The following STYXL2 variants were observed in gnomAD, a reference collection of about 807,000 sequenced individuals.
STYXL2 encodes serine/threonine/tyrosine interacting like 2, also known as serine/threonine/tyrosine-interacting-like protein 2.
A neutral mutation model predicts 52.4 loss-of-function variants in STYXL2; 44 were observed. The ratio of observed to expected loss-of-function variants is 0.84; its 90% CI spans 0.66 to 1.08. The LOEUF is 1.08. Ranked by LOEUF, STYXL2 falls within the 50% of genes least tolerant of loss-of-function variation. The pLI is 0.00. For missense variants in STYXL2, 1,604 were observed against 1,471.7 expected (o/e 1.09, Z -1.47); for synonymous variants, 604 against 586.9 (o/e 1.03, Z -0.42).
intron 2 of STYXL2, among the ~76,000 whole-genome samples, chr1:167,097,690 T>TA (rs139851555): frequency 0.17 from 24,588 of 147,248 alleles, 2,228 homozygotes; most frequent in Middle Eastern, 0.23. Flanking sequence ...AACTATAGGT[T>TA]AAAAAAAAAA....
intron 5 of STYXL2, among the ~76,000 whole-genome samples, chr1:167,120,176 T>C (rs1387890610): frequency 6.6e-6 from 1 of 152,166 alleles, no homozygotes; most frequent in African/African-American, 2.4e-5. Flanking sequence ...TTGGGGTTGC[T>C]ATTGCTATAT....
In STYXL2 at chr1:167,117,344, G is replaced by T. The variant is rs748618592; in HGVS notation, c.222G>T (p.Gly74=). 1.9e-6 allele frequency: 3 copies of T among 1,609,434 alleles called. No individual in the cohort carries two copies. The highest frequency in any genetic ancestry group is 3.4e-5 in the Admixed American group (2 of 59,476). ...QIINEELKPP[G]VRADAECPGM... is the part of the protein sequence containing the mutation. ...CTCCTCTAGAACTCAAGCCACCGGG[G>T]GTCAGAGCAGACGCAGAGTGTCCAG... The change falls in exon 4 of 6, where the codon GGG becomes GGT. Residue 74 remains glycine (G), a synonymous_variant. Coordinates refer to ENST00000361200, the MANE Select transcript of STYXL2 (RefSeq NM_001080426.3).
At chr1:167,123,301 G>C (rs952140700) in intron 5 of STYXL2, among the ~76,000 whole-genome samples, 1 of 152,200 alleles carries the variant, frequency 6.6e-6, no homozygotes, top group Non-Finnish European at 1.5e-5. Flanking sequence ...AGGCTCCTCA[G>C]AGGAGTCCCA....
intron 3 of STYXL2, among the ~76,000 whole-genome samples, chr1:167,116,412 G>T (rs1352286442): frequency 1.3e-5 from 2 of 152,106 alleles, no homozygotes; most frequent in Non-Finnish European, 2.9e-5. Flanking sequence ...TCTGTGGGCT[G>T]GGAGGCTGAG....
chr1:167,126,766 A>T lies in STYXL2; in HGVS notation c.1635A>T (p.Glu545Asp). The T allele has an allele frequency of 1.2e-6, 2 of 1,614,200 alleles. No homozygotes were observed. The highest frequency in any genetic ancestry group is 1.7e-6 in the Non-Finnish European group (2 of 1,180,036). ...ACAAGGACAAGCTCACTGCCCTGGA[A>T]AGATGGAAGATCAAGAGAATCCAAT... ...SRNKDKLTAL[E>D]RWKIKRIQFG... is the part of the protein sequence containing the mutation. Residue 545 changes from glutamate to aspartate, a missense_variant, in exon 6 of 6, where the codon GAA becomes GAT. Transcript: ENST00000361200.
At chr1:167,109,288 G>A (rs1667568995) in intron 2 of STYXL2, among the ~76,000 whole-genome samples, 1 of 152,186 alleles carries the variant, frequency 6.6e-6, no homozygotes, top group Non-Finnish European at 1.5e-5. Context: ...TATAGCCTGG[G>A]GCAAGATCTC....
rs758560315 is a variant in STYXL2, at chr1:167,127,994, T to G, written c.2863T>G (p.Ser955Ala). ...EEKPPFQSDW[S>A]GSSRGKYTRS... ...AAAACCTCCTTTCCAAAGTGACTGG[T>G]CTGGAAGTTCCAGAGGGAAGTACAC... is the stretch of plus-strand genomic sequence containing the variant. Residue 955 changes from serine to alanine, a missense_variant, in exon 6 of 6, where the codon TCT (serine) becomes GCT (alanine). Ser to Ala is a moderately conservative substitution (Grantham distance 99). Transcript: ENST00000361200. 3.1e-6 allele frequency: 5 copies of G among 1,614,102 alleles called. No homozygotes were observed. Among genetic ancestry groups the G allele is most frequent in the Non-Finnish European group, 4.2e-6 (5 of 1,180,002 alleles).
At chr1:167,122,778 G>A (rs1049198216) in intron 5 of STYXL2, among the ~76,000 whole-genome samples, 7 of 152,030 alleles carry the variant, frequency 4.6e-5, no homozygotes, top group African/African-American at 9.7e-5. Flanking sequence ...CGATTCTCAG[G>A]CCTCAGCCTC....
Position 167,098,305 on chromosome 1 carries a change from G to A in STYXL2, c.110+3346G>A, listed in dbSNP as rs377732333. Reference sequence around the variant, plus strand: ...ATTACAGATGTGAGCCACCACGCCCGGCCCAAACTTTTTTTAAGAAATTAG... The same window carrying A: ...ATTACAGATGTGAGCCACCACGCCCAGCCCAAACTTTTTTTAAGAAATTAG... On this transcript the variant is annotated intron_variant, in intron 2 of 5. Transcript: ENST00000361200. Among the ~76,000 whole-genome samples, 23 of 151,936 alleles carry A rather than the reference G, an allele frequency of 1.5e-4. 1 individual carries two copies. The South Asian group carries it at 2.9e-3, about 19-fold the overall frequency.
chr1:167,100,854 TGTG>T (rs1262062910), intron 2 of STYXL2, among the ~76,000 whole-genome samples: 1 of 152,208 alleles, frequency 6.6e-6, no homozygotes, highest in East Asian at 1.9e-4. Context: ...AAGGCAAACA[TGTG>T]GTGGCACTTC....
intron 2 of STYXL2, among the ~76,000 whole-genome samples, chr1:167,101,929 A>C (rs191972636): frequency 3.9e-5 from 6 of 152,366 alleles, no homozygotes; most frequent in Non-Finnish European, 8.8e-5. Context: ...GGATAAACAC[A>C]TTGTGTCACA....
chr1:167,110,510 AATAG>A (rs1667595720), intron 2 of STYXL2, among the ~76,000 whole-genome samples: 1 of 152,232 alleles, frequency 6.6e-6, no homozygotes, highest in South Asian at 2.1e-4. Flanking sequence ...ACTCCAGAAA[AATAG>A]ATAGCATCAA....
Position 167,127,972 on chromosome 1 carries a change from ACCT to A in STYXL2, c.2845_2847del (p.Pro949del), listed in dbSNP as rs1212215474. 2 of 1,613,552 alleles carry A rather than the reference ACCT, an allele frequency of 1.2e-6. No individual in the cohort carries two copies. Among genetic ancestry groups the A allele is most frequent in the Non-Finnish European group, 1.7e-6 (2 of 1,179,898 alleles). On this transcript the variant is annotated inframe_deletion, in exon 6 of 6. Coordinates refer to ENST00000361200, the MANE Select transcript of STYXL2 (RefSeq NM_001080426.3). ...TCAGTGGCCTCAGGACGGAGGAAAA[ACCT>A]CCTTTCCAAAGTGACTGGTCTGGAA... is the stretch of plus-strand genomic sequence containing the variant.
Position 167,127,118 on chromosome 1 carries a change from T to C in STYXL2, c.1987T>C (p.Trp663Arg), listed in dbSNP as rs750886063. 5.6e-6 allele frequency: 9 copies of C among 1,613,954 alleles called. No homozygotes were observed. In the South Asian group the frequency reaches 8.8e-5, roughly 16 times the overall value. ...CGGGAGCATTCCCCTGTCTGCGTTCTGGTCTGCAGACCCCTCAGTCAGCGC... is the reference window on the plus strand; with the variant it reads ...CGGGAGCATTCCCCTGTCTGCGTTCCGGTCTGCAGACCCCTCAGTCAGCGC... ...ASGSIPLSAFWSADPSVSADG... is the reference protein window; with the variant it reads ...ASGSIPLSAFRSADPSVSADG... The change falls in exon 6 of 6, where the codon TGG becomes CGG. Residue 663 changes from tryptophan to arginine, a missense_variant. Physicochemically the swap from Trp to Arg is moderately radical, Grantham distance 101. Transcript: ENST00000361200.
Position 167,126,413 on chromosome 1 carries a change from G to T in STYXL2, c.1282G>T (p.Gly428Trp). Residue 428 changes from glycine to tryptophan, a missense_variant, in exon 6 of 6, where the codon GGG (glycine) becomes TGG (tryptophan). Gly to Trp is a radical substitution (Grantham distance 184). Transcript: ENST00000361200. ...GGAGAGCGACGCTGGCTCCTCGGTG[G>T]GGAGGCGGCGGCGCACCCTGAGCGA... Reference protein sequence around the residue: ...EEESDAGSSVGRRRRTLSESS... With the variant: ...EEESDAGSSVWRRRRTLSESS... 1.3e-6 allele frequency: 2 copies of T among 1,559,554 alleles called. No individual in the cohort carries two copies. Among genetic ancestry groups the T allele is most frequent in the Non-Finnish European group, 1.7e-6 (2 of 1,152,192 alleles).
At chr1:167,095,936 G>A (rs1667277027) in intron 2 of STYXL2, among the ~76,000 whole-genome samples, 1 of 152,152 alleles carries the variant, frequency 6.6e-6, no homozygotes, top group South Asian at 2.1e-4. Context: ...AGGAATGAGG[G>A]CAGGTGCTCA....
At chr1:167,097,990 C>G (rs984629834) in intron 2 of STYXL2, among the ~76,000 whole-genome samples, 1 of 148,726 alleles carries the variant, frequency 6.7e-6, no homozygotes, top group African/African-American at 2.5e-5. Flanking sequence ...TAGTGAGGCC[C>G]TGTCTCTACA....
At position 167,122,369 on chromosome 1, in the gene STYXL2, G is replaced by C. The variant is rs538006069; in HGVS notation, c.655+2903G>C. Among the ~76,000 whole-genome samples, 82 of 152,250 alleles carry C rather than the reference G, an allele frequency of 5.4e-4. No individual in the cohort carries two copies. In the South Asian group the frequency reaches 8.1e-3, roughly 15 times the overall value. The stretch of plus-strand genomic sequence containing the variant: ...ATAGCAAATGGCCATCCACAGGCCT[G>C]ACATTAAACTAGCTAATTTCCTGCC... On this transcript the variant is annotated intron_variant, in intron 5 of 5. Coordinates refer to ENST00000361200, the MANE Select transcript of STYXL2 (RefSeq NM_001080426.3).
chr1:167,126,262 T>C lies in STYXL2; in HGVS notation c.1131T>C (p.Ser377=), dbSNP rs1221810700. 16 of 1,541,346 alleles carry C rather than the reference T, an allele frequency of 1.0e-5. No individual in the cohort carries two copies. The highest frequency in any genetic ancestry group is 1.3e-5 in the Non-Finnish European group (15 of 1,146,612). ...QDGGGWRSAS[S]GQGGEELEDE... is the part of the protein sequence containing the mutation. ...GAGGTGGCTGGCGCTCAGCCTCCTC[T>C]GGCCAGGGTGGGGAGGAGCTCGAGG... Residue 377 remains serine, a synonymous_variant, in exon 6 of 6, where the codon TCT becomes TCC. Transcript: ENST00000361200.
Sources: gnomAD v4.1 joint callset for allele counts (sites outside exome capture counted in the v4.1 genomes callset) on GRCh38, gnomAD v4.1.1 for gene constraint, MANE v1.5 for transcripts, NCBI Gene and HGNC (gene_info 2026-07-23, HGNC 2026-07-21) for gene names.